FOXN3: variants seen among roughly 807,000 people sequenced by gnomAD.
FOXN3 encodes the protein forkhead box protein N3.
In FOXN3, 7 loss-of-function variants were observed where a neutral mutation model predicts 38.4. That is an observed-to-expected ratio of 0.18 (90% CI 0.10 to 0.34). FOXN3 has a LOEUF of 0.34. FOXN3 is among the 10% of genes least tolerant of loss of function. The pLI is 1.00. For missense variants in FOXN3, 456 were observed against 613.4 expected (o/e 0.74, Z 2.71); for synonymous variants, 230 against 242.2 (o/e 0.95, Z 0.47).
intron 3 of FOXN3, among the ~76,000 whole-genome samples, chr14:89,303,412 G>A (rs1174769911): frequency 6.6e-6 from 1 of 151,408 alleles, no homozygotes; most frequent in Non-Finnish European, 1.5e-5. Context: ...GAGCTAGACT[G>A]TGAGCTCTCT....
intron 3 of FOXN3, among the ~76,000 whole-genome samples, chr14:89,319,782 C>G (rs1041202466): frequency 3.9e-5 from 6 of 152,154 alleles, no homozygotes; most frequent in Non-Finnish European, 7.3e-5. Flanking sequence ...TCCAAGTGCT[C>G]AGATTTTATA....
In FOXN3 at chr14:89,163,558, G is replaced by A. The variant is rs189762959; in HGVS notation, c.852-589C>T. On this transcript the variant is annotated intron_variant, in intron 5 of 5. Coordinates refer to ENST00000557258, the MANE Select transcript of FOXN3 (RefSeq NM_005197.4). The surrounding 1 kb of genome is among the most constrained non-coding windows in gnomAD (Gnocchi z 4.3). ...GACCTTAGGGAGGGTTCTGGGGGAGGGACACGGGGTTGGATCGGATATAGA... is the reference window on the plus strand; with the variant it reads ...GACCTTAGGGAGGGTTCTGGGGGAGAGACACGGGGTTGGATCGGATATAGA... 6.6e-6 allele frequency among the ~76,000 whole-genome samples: 1 copy of A among 152,260 alleles called. No individual in the cohort carries two copies. Among genetic ancestry groups the A allele is most frequent in the East Asian group, 1.9e-4 (1 of 5,182 alleles).
intron 4 of FOXN3, among the ~76,000 whole-genome samples, chr14:89,206,535 C>T (rs1183931271): frequency 6.6e-6 from 1 of 152,142 alleles, no homozygotes; most frequent in African/African-American, 2.4e-5. Context: ...GGTTTCCGTT[C>T]CCAGTGGGGC....
chr14:89,204,102 CA>C (rs1555410152), intron 4 of FOXN3, among the ~76,000 whole-genome samples: 1 of 135,590 alleles, frequency 7.4e-6, no homozygotes, highest in East Asian at 2.2e-4. Context: ...CACACACACA[CA>C]ACTACTACTA....
At chr14:89,502,201 G>A (rs1893816195) in intron 1 of FOXN3, among the ~76,000 whole-genome samples, 2 of 152,144 alleles carry the variant, frequency 1.3e-5, no homozygotes, top group Non-Finnish European at 2.9e-5. Flanking sequence ...AAATGTATGT[G>A]TTTAATGGAT....
chr14:89,164,892 C>G lies in FOXN3; in HGVS notation c.852-1923G>C, dbSNP rs1887200217. On this transcript the variant is annotated intron_variant, in intron 5 of 5. Coordinates refer to ENST00000557258, the MANE Select transcript of FOXN3 (RefSeq NM_005197.4). This position sits in a 1 kb window ranked among gnomAD's most constrained non-coding sequence, Gnocchi z 4.3. ...AAGTGAAAGGGGAAGGGAAAGAGTC[C>G]CTAATGAAAAGGGTGCAGTAGGGAG... 6.6e-6 allele frequency among the ~76,000 whole-genome samples: 1 copy of G among 151,644 alleles called. No homozygotes were observed. The highest frequency in any genetic ancestry group is 2.1e-4 in the South Asian group (1 of 4,798).
intron 4 of FOXN3, among the ~76,000 whole-genome samples, chr14:89,225,361 T>C (rs1884602686): frequency 6.6e-6 from 1 of 151,358 alleles, no homozygotes; most frequent in Non-Finnish European, 1.5e-5. Context: ...TCCCAGCACT[T>C]TGGGAGGCTG....
At chr14:89,352,125 C>A (rs1457021991) in intron 2 of FOXN3, among the ~76,000 whole-genome samples, 2 of 152,204 alleles carry the variant, frequency 1.3e-5, no homozygotes, top group Non-Finnish European at 2.9e-5. Context: ...AGTCACCCAC[C>A]CCCACGTGCA....
intron 1 of FOXN3, among the ~76,000 whole-genome samples, chr14:89,555,191 CTATGAG>C (rs145561569): frequency 0.048 from 7,282 of 152,196 alleles, 341 homozygotes; most frequent in African/African-American, 0.12. Context: ...AGATCATTCC[CTATGAG>C]TATATCTAGA....
intron 4 of FOXN3, among the ~76,000 whole-genome samples, chr14:89,233,932 C>T (rs1244497673): frequency 1.3e-5 from 2 of 152,190 alleles, no homozygotes; most frequent in African/African-American, 2.4e-5. Context: ...ACAGGTAGTC[C>T]CTGAAGGAAT....
chr14:89,335,254 G>C (rs767124048), intron 3 of FOXN3, among the ~76,000 whole-genome samples: 1 of 152,134 alleles, frequency 6.6e-6, no homozygotes, highest in Non-Finnish European at 1.5e-5. Flanking sequence ...CAATAAAGCT[G>C]GGGGCACAGA....
intron 4 of FOXN3, among the ~76,000 whole-genome samples, chr14:89,211,040 T>C (rs1268530848): frequency 6.6e-6 from 1 of 152,228 alleles, no homozygotes; most frequent in Non-Finnish European, 1.5e-5. Context: ...CCATAGTGGA[T>C]TTATTGTATT....
chr14:89,561,698 G>A (rs1353297477), intron 1 of FOXN3, among the ~76,000 whole-genome samples: 3 of 152,214 alleles, frequency 2.0e-5, no homozygotes, highest in African/African-American at 7.2e-5. Context: ...AAGTGCGTGT[G>A]TAGGAAAAGG....
At chr14:89,549,639 A>G (rs35836300) in intron 1 of FOXN3, among the ~76,000 whole-genome samples, 64,836 of 151,978 alleles carry the variant, frequency 0.43, 17,676 homozygotes, top group Non-Finnish European at 0.61. Context: ...ATTGAATCCA[A>G]TTTATTATTG....
intron 5 of FOXN3, 92 bp downstream of exon 5, chr14:89,180,609 A>G: frequency 1.2e-6 from 1 of 863,320 alleles, no homozygotes; most frequent in Non-Finnish European, 1.7e-6. Flanking sequence ...AGTTCGAAGC[A>G]GCTCCTCTCT....
intron 2 of FOXN3, among the ~76,000 whole-genome samples, chr14:89,404,882 A>G (rs1891347073): frequency 6.6e-6 from 1 of 152,164 alleles, no homozygotes; most frequent in Non-Finnish European, 1.5e-5. Flanking sequence ...CCAACATTAC[A>G]CTAATTCTTA....
intron 4 of FOXN3, among the ~76,000 whole-genome samples, chr14:89,221,942 C>G (rs1884478722): frequency 6.6e-6 from 1 of 152,098 alleles, no homozygotes; most frequent in Non-Finnish European, 1.5e-5. Context: ...CCCACCTCAG[C>G]CTTCCAAGTA....
intron 2 of FOXN3, among the ~76,000 whole-genome samples, chr14:89,393,048 G>A (rs928531708): frequency 2.5e-4 from 38 of 151,704 alleles, no homozygotes; most frequent in South Asian, 1.5e-3. Context: ...CTCGTGATCC[G>A]CCCACTTCGG....
intron 3 of FOXN3, chr14:89,290,930 G>A: frequency 3.2e-6 from 1 of 313,278 alleles, no homozygotes; most frequent in African/African-American, 2.2e-5. Flanking sequence ...TGTGGAGAAA[G>A]GTCAGGCCCT....
Sources: allele counts gnomAD v4.1 joint callset (sites outside exome capture counted in the v4.1 genomes callset), GRCh38; gene constraint gnomAD v4.1.1; non-coding constraint Gnocchi (gnomAD v3.1); transcripts MANE v1.5; gene names NCBI Gene and HGNC (gene_info 2026-07-23, HGNC 2026-07-21).